ELMO1: variants seen among roughly 807,000 people sequenced by gnomAD.
ELMO1 encodes the protein engulfment and cell motility 1, also known as engulfment and cell motility protein 1.
ELMO1 carries 26 observed loss-of-function variants against 98.9 expected under a neutral mutation model. The ratio of observed to expected loss-of-function variants is 0.26; its 90% CI spans 0.19 to 0.36. ELMO1 has a LOEUF of 0.36. Ranked by LOEUF, ELMO1 falls within the 10% of genes least tolerant of loss-of-function variation. ELMO1 has a pLI of 1.00. For missense variants in ELMO1, 627 were observed against 935.2 expected (o/e 0.67, Z 4.30); for synonymous variants, 346 against 346.0 (o/e 1.00, Z 0.00).
chr7:37,414,352 AG>A (rs1279827261), intron 1 of ELMO1, among the ~76,000 whole-genome samples: 2 of 152,194 alleles, frequency 1.3e-5, no homozygotes, highest in Non-Finnish European at 2.9e-5. Flanking sequence ...AAAATATCCG[AG>A]GGGGAAAACC....
At chr7:37,360,540 G>A (rs1801663634) in intron 1 of ELMO1, among the ~76,000 whole-genome samples, 1 of 152,044 alleles carries the variant, frequency 6.6e-6, no homozygotes, top group South Asian at 2.1e-4. Context: ...TCCAACAGAT[G>A]CATAACTTTT....
intron 16 of ELMO1, among the ~76,000 whole-genome samples, chr7:36,995,114 TAA>T (rs1457516941): frequency 2.0e-5 from 3 of 152,148 alleles, no homozygotes; most frequent in African/African-American, 7.2e-5. Context: ...TGGGGAACAT[TAA>T]AGACATAGTA....
At chr7:36,968,255 T>C (rs1789615419) in intron 16 of ELMO1, among the ~76,000 whole-genome samples, 1 of 152,190 alleles carries the variant, frequency 6.6e-6, no homozygotes, top group African/African-American at 2.4e-5. Flanking sequence ...TCTCTTAAAA[T>C]ATCAAAGAAT....
intron 15 of ELMO1, among the ~76,000 whole-genome samples, chr7:37,039,101 A>AGTTTAGAAAT (rs1380186791): frequency 6.6e-6 from 1 of 152,232 alleles, no homozygotes; most frequent in African/African-American, 2.4e-5. Flanking sequence ...AGTTTTATGA[A>AGTTTAGAAAT]GTTTAGAAAA....
intron 13 of ELMO1, among the ~76,000 whole-genome samples, chr7:37,198,316 T>C (rs1792091179): frequency 6.6e-6 from 1 of 152,242 alleles, no homozygotes; most frequent in African/African-American, 2.4e-5. Flanking sequence ...ATGTCCCCAG[T>C]CATCTGGGTT....
intron 21 of ELMO1, among the ~76,000 whole-genome samples, chr7:36,860,490 TAAG>T (rs1207615651): frequency 2.0e-5 from 3 of 152,222 alleles, no homozygotes; most frequent in Non-Finnish European, 4.4e-5. Context: ...ATTGTATCTA[TAAG>T]AAGTGGCAGA....
chr7:36,986,003 C>T (rs1458183791), intron 16 of ELMO1: 3 of 1,002,532 alleles, frequency 3.0e-6, no homozygotes, highest in South Asian at 9.4e-5. Flanking sequence ...TAGAGTCGTC[C>T]CCCTGAAGAA....
chr7:36,984,162 C>T (rs1370574471), intron 16 of ELMO1, among the ~76,000 whole-genome samples: 1 of 152,192 alleles, frequency 6.6e-6, no homozygotes, highest in Non-Finnish European at 1.5e-5. Context: ...AACCAGACTT[C>T]CTCAAAATCG....
At chr7:37,124,997 C>T (rs890466463) in intron 14 of ELMO1, among the ~76,000 whole-genome samples, 7 of 152,314 alleles carry the variant, frequency 4.6e-5, no homozygotes, top group African/African-American at 9.6e-5. Context: ...CTACAACTAT[C>T]TGATCTTTGA....
intron 15 of ELMO1, among the ~76,000 whole-genome samples, chr7:37,026,423 T>C (rs1257598709): frequency 1.3e-5 from 2 of 152,178 alleles, no homozygotes; most frequent in Admixed American, 6.5e-5. Flanking sequence ...ATGCCAAGGA[T>C]TGCTCATTGA....
intron 4 of ELMO1, among the ~76,000 whole-genome samples, chr7:37,305,874 G>A (rs1277444183): frequency 6.6e-6 from 1 of 152,144 alleles, no homozygotes; most frequent in African/African-American, 2.4e-5. Flanking sequence ...TCAAGACAAC[G>A]ATAAAGCGAT....
intron 13 of ELMO1, among the ~76,000 whole-genome samples, chr7:37,178,526 C>A (rs1236832616): frequency 6.6e-6 from 1 of 152,018 alleles, no homozygotes; most frequent in African/African-American, 2.4e-5. Flanking sequence ...CGCCTGAGCC[C>A]AGGAGGCAGA....
intron 15 of ELMO1, among the ~76,000 whole-genome samples, chr7:37,076,579 T>C (rs1442127349): frequency 6.6e-6 from 1 of 152,226 alleles, no homozygotes; most frequent in Non-Finnish European, 1.5e-5. Flanking sequence ...AACCTCTAGT[T>C]AGCCAAAATA....
chr7:37,360,579 G>A (rs1003007665), intron 1 of ELMO1, among the ~76,000 whole-genome samples: 1 of 152,152 alleles, frequency 6.6e-6, no homozygotes, highest in Non-Finnish European at 1.5e-5. Flanking sequence ...CTGCCTGTGG[G>A]TAGTCCTCGG....
intron 21 of ELMO1, among the ~76,000 whole-genome samples, chr7:36,858,664 A>AAGAGTC (rs72085831): frequency 6.6e-6 from 1 of 151,928 alleles, no homozygotes; most frequent in Non-Finnish European, 1.5e-5. Flanking sequence ...GAAACAGAAG[A>AAGAGTC]AGAGTCAGAG....
At chr7:37,048,251 C>T (rs1441637408) in intron 15 of ELMO1, among the ~76,000 whole-genome samples, 1 of 152,204 alleles carries the variant, frequency 6.6e-6, no homozygotes, top group Non-Finnish European at 1.5e-5. Flanking sequence ...CCAGACACTG[C>T]CAAATGTGCC....
At chr7:37,259,412 T>G in intron 5 of ELMO1, 62 bp from the exon 6 acceptor site, 1 of 1,558,776 alleles carries the variant, frequency 6.4e-7, no homozygotes, top group Non-Finnish European at 8.8e-7. Flanking sequence ...CAAAACAGAT[T>G]TATGTTTCAA....
At chr7:37,216,580 A>C in intron 11 of ELMO1, 65 bp downstream of exon 11, 1 of 1,574,486 alleles carries the variant, frequency 6.4e-7, no homozygotes, top group Non-Finnish European at 8.7e-7. Context: ...AGCCAAAAGA[A>C]GAGATTAACA....
intron 16 of ELMO1, among the ~76,000 whole-genome samples, chr7:36,920,267 A>T (rs973619159): frequency 6.6e-6 from 1 of 152,242 alleles, no homozygotes; most frequent in Non-Finnish European, 1.5e-5. Context: ...GTTGCTTCTC[A>T]TCTCTGAATG....
Sources: allele counts gnomAD v4.1 joint callset (sites outside exome capture counted in the v4.1 genomes callset), GRCh38; gene constraint gnomAD v4.1.1; transcripts MANE v1.5; gene names NCBI Gene and HGNC (gene_info 2026-07-23, HGNC 2026-07-21).